CHST11: variants seen among roughly 807,000 people sequenced by gnomAD.
CHST11 encodes the protein C4S-1.
CHST11 carries 9 observed loss-of-function variants against 30.4 expected under a neutral mutation model. The observed-to-expected ratio is 0.30, with a 90% confidence interval of 0.18 to 0.52. The LOEUF (loss-of-function observed/expected upper bound fraction) is 0.52. Ranked by LOEUF, CHST11 falls within the 20% of genes least tolerant of loss-of-function variation. CHST11 has a pLI of 0.97. For missense variants in CHST11, 348 were observed against 460.6 expected (o/e 0.76, Z 2.24); for synonymous variants, 152 against 187.8 (o/e 0.81, Z 1.56).
At chr12:104,538,753 A>G (rs2665749) in intron 1 of CHST11, among the ~76,000 whole-genome samples, 10,621 of 152,282 alleles carry the variant, frequency 0.07, 875 homozygotes, top group East Asian at 0.44. Flanking sequence ...GCCAGTGCAT[A>G]TTCTAATTCA....
In CHST11 at chr12:104,760,269, A is replaced by G. The variant is rs2040512962; in HGVS notation, c.*2466A>G. The G allele has an allele frequency of 6.7e-6, 1 of 148,964 alleles. No individual in the cohort carries two copies. Among genetic ancestry groups the G allele is most frequent in the Admixed American group, 6.7e-5 (1 of 14,880 alleles). 9.2% of individuals were successfully genotyped at this position (148,964 alleles called of 1,614,324 possible). On this transcript the variant is annotated 3_prime_UTR_variant, in exon 3 of 3. Coordinates refer to ENST00000303694, the MANE Select transcript of CHST11 (RefSeq NM_018413.6). ...AACACCCTTCCATTAAAAAAAAAATACAAAATAGCACCACAGTCTCCATCT... is the reference window on the plus strand; with the variant it reads ...AACACCCTTCCATTAAAAAAAAAATGCAAAATAGCACCACAGTCTCCATCT...
chr12:104,752,684 C>A (rs956789126), intron 2 of CHST11, among the ~76,000 whole-genome samples: 3 of 152,168 alleles, frequency 2.0e-5, no homozygotes, highest in Non-Finnish European at 4.4e-5. Context: ...CCCGCCACCA[C>A]GCCCAGCTAA....
chr12:104,740,658 A>T (rs1416506662), intron 2 of CHST11, among the ~76,000 whole-genome samples: 1 of 152,214 alleles, frequency 6.6e-6, no homozygotes, highest in Non-Finnish European at 1.5e-5. Flanking sequence ...GGACTCTGAG[A>T]TGCAAAATTA....
intron 2 of CHST11, among the ~76,000 whole-genome samples, chr12:104,690,606 A>G (rs56176681): frequency 0.091 from 13,833 of 152,198 alleles, 1,494 homozygotes; most frequent in African/African-American, 0.26. Flanking sequence ...AGGGTGGATC[A>G]CTTGAGCCCA....
intron 2 of CHST11, among the ~76,000 whole-genome samples, chr12:104,640,289 C>T (rs559884443): frequency 6.6e-6 from 1 of 152,296 alleles, no homozygotes; most frequent in Non-Finnish European, 1.5e-5. Context: ...ATGTTTATGG[C>T]AGCTTTATTC....
Position 104,757,553 on chromosome 12 carries a change from A to T in CHST11, c.809A>T (p.His270Leu). 6.2e-7 allele frequency: 1 copy of T among 1,614,180 alleles called. No homozygotes were observed. ...QTVYSLCHPC[H>L]IHYDLVGKYE... ...GTCTACTCACTCTGCCATCCCTGCC[A>T]CATCCACTATGACCTCGTGGGCAAG... The change falls in exon 3 of 3, where the codon CAC becomes CTC. Residue 270 changes from histidine (H) to leucine (L), a missense_variant. Physicochemically the swap from His to Leu is moderately conservative, Grantham distance 99 (BLOSUM62 -3). Coordinates refer to ENST00000303694, the MANE Select transcript of CHST11 (RefSeq NM_018413.6). The surrounding 1 kb of genome is among the most constrained non-coding windows in gnomAD (Gnocchi z 6.5).
intron 1 of CHST11, among the ~76,000 whole-genome samples, chr12:104,524,475 G>C (rs932803366): frequency 3.3e-5 from 5 of 152,144 alleles, no homozygotes; most frequent in African/African-American, 1.2e-4. Context: ...TAGGGAATGA[G>C]TTCTTGACAG....
intron 1 of CHST11, among the ~76,000 whole-genome samples, chr12:104,483,758 A>C (rs950815690): frequency 6.6e-6 from 1 of 152,042 alleles, no homozygotes; most frequent in Admixed American, 6.6e-5. Flanking sequence ...ACGCCCCCTT[A>C]GTGAGTTTGT....
At chr12:104,465,011 G>A (rs949965887) in intron 1 of CHST11, among the ~76,000 whole-genome samples, 3 of 152,090 alleles carry the variant, frequency 2.0e-5, no homozygotes, top group Admixed American at 6.5e-5. Context: ...TCTCAGCACC[G>A]TGCTGCCCTT....
At chr12:104,751,950 C>T (rs531743659) in intron 2 of CHST11, among the ~76,000 whole-genome samples, 1 of 152,342 alleles carries the variant, frequency 6.6e-6, no homozygotes, top group African/African-American at 2.4e-5. Flanking sequence ...TCTCTTTAAA[C>T]TTATAGTTTA....
At chr12:104,607,875 C>T (rs1451486212) in intron 2 of CHST11, among the ~76,000 whole-genome samples, 3 of 152,152 alleles carry the variant, frequency 2.0e-5, no homozygotes, top group Non-Finnish European at 4.4e-5. Flanking sequence ...TATAACCTAG[C>T]TTCTCCTTTG....
intron 2 of CHST11, among the ~76,000 whole-genome samples, chr12:104,650,958 T>C (rs1399585281): frequency 6.6e-6 from 1 of 152,200 alleles, no homozygotes; most frequent in Non-Finnish European, 1.5e-5. Flanking sequence ...CTTCATGAGG[T>C]TGTTGCAAGT....
At chr12:104,613,818 C>T (rs754215721) in intron 2 of CHST11, among the ~76,000 whole-genome samples, 4 of 152,212 alleles carry the variant, frequency 2.6e-5, no homozygotes, top group South Asian at 4.2e-4. Context: ...AGACAAATAC[C>T]GCATGATCTC....
intron 1 of CHST11, among the ~76,000 whole-genome samples, chr12:104,495,235 G>A (rs572586850): frequency 4.4e-4 from 67 of 152,300 alleles, no homozygotes; most frequent in Non-Finnish European, 8.7e-4. Context: ...GGGCATCTGG[G>A]TTGTTCCTGT....
intron 1 of CHST11, among the ~76,000 whole-genome samples, chr12:104,562,103 C>A (rs2038519884): frequency 6.6e-6 from 1 of 152,066 alleles, no homozygotes; most frequent in Admixed American, 6.6e-5. Context: ...GGCCTCGTTT[C>A]CAGAAATGCC....
intron 2 of CHST11, among the ~76,000 whole-genome samples, chr12:104,637,335 AGGGGGTT>A (rs2039334623): frequency 2.1e-5 from 1 of 47,558 alleles, no homozygotes; most frequent in Non-Finnish European, 3.7e-5. Flanking sequence ...AAAAAAAAAA[AGGGGGTT>A]GGGGGAGGGG....
intron 1 of CHST11, among the ~76,000 whole-genome samples, chr12:104,482,683 T>C (rs1485978646): frequency 1.3e-5 from 2 of 152,106 alleles, no homozygotes; most frequent in African/African-American, 4.8e-5. Flanking sequence ...TTCACACACA[T>C]TGCCTCAAAT....
At chr12:104,700,679 G>C (rs1383089426) in intron 2 of CHST11, among the ~76,000 whole-genome samples, 1 of 152,132 alleles carries the variant, frequency 6.6e-6, no homozygotes, top group African/African-American at 2.4e-5. Flanking sequence ...ATTGATTGCT[G>C]TTTCAAAAAC....
intron 1 of CHST11, among the ~76,000 whole-genome samples, chr12:104,498,237 T>C (rs1012930770): frequency 6.6e-6 from 1 of 152,120 alleles, no homozygotes; most frequent in Non-Finnish European, 1.5e-5. Context: ...CTGTCCCCTC[T>C]CTTGTTCTGT....
Sources: gnomAD v4.1 joint callset for allele counts (sites outside exome capture counted in the v4.1 genomes callset) on GRCh38, gnomAD v4.1.1 for gene constraint, Gnocchi (gnomAD v3.1) non-coding constraint, MANE v1.5 for transcripts, NCBI Gene and HGNC (gene_info 2026-07-23, HGNC 2026-07-21) for gene names.